Variants in PPCDC observed in about 807,000 individuals in gnomAD.
PPCDC encodes the protein phosphopantothenoylcysteine decarboxylase.
A neutral mutation model predicts 20.7 loss-of-function variants in PPCDC; 20 were observed. The observed-to-expected ratio is 0.97, with a 90% confidence interval of 0.68 to 1.41. PPCDC has a LOEUF of 1.41. Among genes scored for constraint, PPCDC ranks in the 40% most tolerant of loss-of-function variants. PPCDC has a pLI of 0.00. For synonymous variants in PPCDC, 88 were observed against 100.3 expected (o/e 0.88, Z 0.73); for missense variants, 246 against 263.8 (o/e 0.93, Z 0.47).
chr15:75,038,468 AC>A (rs1432092992), intron 2 of PPCDC, among the ~76,000 whole-genome samples: 1 of 152,170 alleles, frequency 6.6e-6, no homozygotes, highest in Non-Finnish European at 1.5e-5. Context: ...AGCATTTGGG[AC>A]CAGAAAAATA....
chr15:75,027,799 C>T (rs1327022022), intron 1 of PPCDC, among the ~76,000 whole-genome samples: 2 of 152,318 alleles, frequency 1.3e-5, no homozygotes, highest in African/African-American at 4.8e-5. Flanking sequence ...TCACTTTCTG[C>T]CCCTCTACCA....
intron 2 of PPCDC, among the ~76,000 whole-genome samples, chr15:75,042,922 G>A (rs927165950): frequency 6.6e-6 from 1 of 152,220 alleles, no homozygotes; most frequent in South Asian, 2.1e-4. Context: ...CTAGAAGTAC[G>A]TGAAGGGATA....
intron 2 of PPCDC, 97 bp downstream of exon 2, chr15:75,028,550 T>C: frequency 1.3e-6 from 2 of 1,523,618 alleles, no homozygotes; most frequent in Non-Finnish European, 1.8e-6. Flanking sequence ...CAATTTTCTT[T>C]TTCTTTATCA....
chr15:75,047,642 T>G (rs913610792), intron 4 of PPCDC, among the ~76,000 whole-genome samples: 1 of 152,212 alleles, frequency 6.6e-6, no homozygotes, highest in Non-Finnish European at 1.5e-5. Context: ...CTGGAGCCTG[T>G]GTTTTGTGCC....
intron 2 of PPCDC, among the ~76,000 whole-genome samples, chr15:75,033,113 A>G (rs1382291982): frequency 1.3e-5 from 2 of 152,096 alleles, no homozygotes; most frequent in South Asian, 2.1e-4. Context: ...TGATTTTTAC[A>G]TTTTTAAATG....
At chr15:75,048,449 C>A in intron 4 of PPCDC, 104 bp from the exon 5 acceptor site, 1 of 1,458,368 alleles carries the variant, frequency 6.9e-7, no homozygotes, top group South Asian at 1.3e-5. Context: ...TGTGCCCAGT[C>A]ATCTCAAGCC....
At position 75,049,594 on chromosome 15, in the gene PPCDC, TG is replaced by T; in HGVS notation, c.*361del. On this transcript the variant is annotated 3_prime_UTR_variant, in exon 6 of 6. Coordinates refer to ENST00000342932, the MANE Select transcript of PPCDC (RefSeq NM_021823.5). ...TAGAAACACCACAGCTGGAGAGTCC[TG>T]GCTGAGCCTTGGGAGTTTCAGCTCT... 4.9e-6 allele frequency: 1 copy of T among 205,702 alleles called. No homozygotes were observed. Among genetic ancestry groups the T allele is most frequent in the South Asian group, 1.0e-4 (1 of 9,990 alleles). 12.7% of individuals were successfully genotyped at this position (205,702 alleles called of 1,614,324 possible). A position where few individuals can be genotyped will look rare whatever the true frequency, so the allele number is the denominator to read the frequency against.
chr15:75,044,657 C>A, intron 4 of PPCDC, 143 bp downstream of exon 4: 2 of 1,153,312 alleles, frequency 1.7e-6, no homozygotes, highest in Admixed American at 5.4e-5. Flanking sequence ...CCCCACATCG[C>A]CCCCAGTGCT....
chr15:75,028,151 G>GCTGATC (rs1430595741), intron 1 of PPCDC, 96 bp from the exon 2 acceptor site: 1 of 863,692 alleles, frequency 1.2e-6, no homozygotes, highest in Admixed American at 3.0e-5. Context: ...GATCCCTTCC[G>GCTGATC]CTGCCTCAGC....
At chr15:75,046,222 A>C (rs970642083) in intron 4 of PPCDC, among the ~76,000 whole-genome samples, 1 of 152,224 alleles carries the variant, frequency 6.6e-6, no homozygotes, top group African/African-American at 2.4e-5. Flanking sequence ...TCTCAAAAAA[A>C]CAAAAAGGCT....
At chr15:75,026,140 G>A (rs1394730484) in intron 1 of PPCDC, among the ~76,000 whole-genome samples, 1 of 152,176 alleles carries the variant, frequency 6.6e-6, no homozygotes, top group Non-Finnish European at 1.5e-5. Context: ...TTGATGTGGA[G>A]GAGGTTCAGG....
In PPCDC at chr15:75,049,409, T is replaced by C. The variant is rs2066283783; in HGVS notation, c.*174T>C. On this transcript the variant is annotated 3_prime_UTR_variant, in exon 6 of 6. Transcript: ENST00000342932. The stretch of plus-strand genomic sequence containing the variant: ...GGTTAAACTGGACGGAAGGCCCAGG[T>C]CTCAGTTTCTTTCAACCAGGAGAGG... The C allele has an allele frequency of 1.6e-6, 1 of 636,098 alleles. No individual in the cohort carries two copies. The highest frequency in any genetic ancestry group is 3.0e-5 in the Admixed American group (1 of 33,726). 39.4% of individuals were successfully genotyped at this position (636,098 alleles called of 1,614,324 possible).
chr15:75,037,598 T>G (rs941305229), intron 2 of PPCDC, among the ~76,000 whole-genome samples: 2 of 151,888 alleles, frequency 1.3e-5, no homozygotes, highest in African/African-American at 4.8e-5. Context: ...AATTCAAAAA[T>G]TAGCTGGGCA....
intron 2 of PPCDC, among the ~76,000 whole-genome samples, chr15:75,031,023 G>A (rs142931898): frequency 3.6e-4 from 55 of 152,304 alleles, no homozygotes; most frequent in African/African-American, 1.3e-3. Flanking sequence ...GGGCAACCGT[G>A]TCACAAGAGA....
intron 2 of PPCDC, among the ~76,000 whole-genome samples, chr15:75,040,668 A>AT (rs1279625800): frequency 2.0e-5 from 3 of 150,958 alleles, no homozygotes; most frequent in Non-Finnish European, 3.0e-5. Context: ...TTATTTTTTT[A>AT]TTTTTTTTGG....
chr15:75,036,967 G>C (rs1179318079), intron 2 of PPCDC, among the ~76,000 whole-genome samples: 1 of 152,046 alleles, frequency 6.6e-6, no homozygotes, highest in Non-Finnish European at 1.5e-5. Flanking sequence ...CACCATGCCT[G>C]GCGCCCAATT....
chr15:75,031,149 G>A (rs1293994511), intron 2 of PPCDC, among the ~76,000 whole-genome samples: 2 of 152,156 alleles, frequency 1.3e-5, no homozygotes, highest in Non-Finnish European at 2.9e-5. Context: ...CATCTCCAGG[G>A]CCTCTTCTGG....
Position 75,043,506 on chromosome 15 carries a change from C to T in PPCDC, c.201C>T (p.Val67=), listed in dbSNP as rs769528026. The T allele has an allele frequency of 1.6e-5, 25 of 1,611,948 alleles. No individual in the cohort carries two copies. Among genetic ancestry groups the T allele is most frequent in the Non-Finnish European group, 2.1e-5 (25 of 1,179,030 alleles). ...TCTACAGCCCCCAGGACATTCCTGTCACCCTCTACAGCGACGCTGATGAAT... is the reference window on the plus strand; with the variant it reads ...TCTACAGCCCCCAGGACATTCCTGTTACCCTCTACAGCGACGCTGATGAAT... ...KHFYSPQDIP[V]TLYSDADEWE... is the part of the protein sequence containing the mutation. Residue 67 remains valine (V), a synonymous_variant, in exon 3 of 6, where the codon GTC becomes GTT. Coordinates refer to ENST00000342932, the MANE Select transcript of PPCDC (RefSeq NM_021823.5).
chr15:75,047,044 G>A (rs570115221), intron 4 of PPCDC, among the ~76,000 whole-genome samples: 5 of 152,242 alleles, frequency 3.3e-5, no homozygotes, highest in Admixed American at 1.3e-4. Context: ...CGTGGGAACC[G>A]AGGCTCTCTT....
Sources: gnomAD v4.1 joint callset for allele counts (sites outside exome capture counted in the v4.1 genomes callset) on GRCh38, gnomAD v4.1.1 for gene constraint, MANE v1.5 for transcripts, NCBI Gene and HGNC (gene_info 2026-07-23, HGNC 2026-07-21) for gene names.